KLHL31: variants seen among roughly 807,000 people sequenced by gnomAD.
KLHL31 encodes the protein kelch-like protein 31.
Under a neutral mutation model 47.1 loss-of-function variants are expected in KLHL31, and 32 were observed. The ratio of observed to expected loss-of-function variants is 0.68; its 90% CI spans 0.51 to 0.91. The LOEUF is 0.91. KLHL31 is among the 40% of genes least tolerant of loss of function. The probability of loss-of-function intolerance (pLI) is 0.00; values close to 1 mark genes in which losing one functional copy is unlikely to be tolerated. For synonymous variants in KLHL31, 330 were observed against 325.1 expected (o/e 1.01, Z -0.16); for missense variants, 797 against 819.3 (o/e 0.97, Z 0.33).
intron 1 of KLHL31, among the ~76,000 whole-genome samples, chr6:53,658,239 G>A (rs988618301): frequency 5.3e-5 from 8 of 151,366 alleles, no homozygotes; most frequent in African/African-American, 1.9e-4. Flanking sequence ...AATTTTGGGG[G>A]GAAAGTCCTG....
intron 1 of KLHL31, among the ~76,000 whole-genome samples, chr6:53,657,610 T>G (rs895745071): frequency 1.1e-4 from 15 of 138,722 alleles, no homozygotes; most frequent in Non-Finnish European, 4.6e-5. Flanking sequence ...TGTTTTTGTT[T>G]TGTGTGTGTG....
chr6:53,662,379 C>T (rs1189218064), intron 1 of KLHL31, among the ~76,000 whole-genome samples: 5 of 152,178 alleles, frequency 3.3e-5, no homozygotes, highest in African/African-American at 1.2e-4. Context: ...GAAGGAGGAG[C>T]AGGTTTAGCC....
At chr6:53,655,709 C>G (rs1464477077) in intron 1 of KLHL31, among the ~76,000 whole-genome samples, 10 of 150,964 alleles carry the variant, frequency 6.6e-5, no homozygotes, top group Admixed American at 6.6e-4. Context: ...CGGGTTCAAG[C>G]TATTCTTCTG....
At chr6:53,655,412 A>G in intron 1 of KLHL31, 107 bp from the exon 2 acceptor site, 1 of 548,496 alleles carries the variant, frequency 1.8e-6, no homozygotes, top group Non-Finnish European at 3.1e-6. Flanking sequence ...ATGGCATAAA[A>G]TAGATTAATT....
chr6:53,662,184 A>G (rs1326408871), intron 1 of KLHL31, among the ~76,000 whole-genome samples: 1 of 152,186 alleles, frequency 6.6e-6, no homozygotes, highest in Non-Finnish European at 1.5e-5. Context: ...GCCAGTGGCT[A>G]GGAGAGTGTG....
intron 1 of KLHL31, among the ~76,000 whole-genome samples, chr6:53,660,920 A>G (rs766177772): frequency 6.6e-5 from 10 of 152,200 alleles, no homozygotes; most frequent in Non-Finnish European, 1.0e-4. Context: ...TAGAGCTACC[A>G]TGATATCTCA....
intron 1 of KLHL31, among the ~76,000 whole-genome samples, chr6:53,658,918 C>T (rs976809738): frequency 7.9e-5 from 12 of 152,228 alleles, no homozygotes; most frequent in Non-Finnish European, 1.8e-4. Context: ...GGTAGATTAC[C>T]TAGCCTCTTA....
intron 1 of KLHL31, among the ~76,000 whole-genome samples, chr6:53,662,553 C>G (rs2478347): frequency 6.6e-6 from 1 of 152,272 alleles, no homozygotes; most frequent in East Asian, 1.9e-4. Context: ...AAGCCCAGAG[C>G]ATTCACCTTC....
In KLHL31 at chr6:53,655,123, T is replaced by C. The variant is rs775493632; in HGVS notation, c.150A>G (p.Leu50=). The C allele has an allele frequency of 6.8e-6, 11 of 1,614,116 alleles. No homozygotes were observed. Among genetic ancestry groups the C allele is most frequent in the Non-Finnish European group, 9.3e-6 (11 of 1,180,046 alleles). Residue 50 remains leucine, a synonymous_variant, in exon 2 of 3, where the codon CTA becomes CTG. Coordinates refer to ENST00000370905, the MANE Select transcript of KLHL31 (RefSeq NM_001003760.5). ...GNGLSCISSE[L]TDASYGPNLL... ...GGTTGGGGCCATAAGAAGCATCTGTTAGTTCAGAAGAAATGCAGCTAAGGC... is the reference window on the plus strand; with the variant it reads ...GGTTGGGGCCATAAGAAGCATCTGTCAGTTCAGAAGAAATGCAGCTAAGGC...
chr6:53,654,402 C>A lies in KLHL31; in HGVS notation c.871G>T (p.Ala291Ser). Reference protein sequence around the residue: ...DADCHRLLVDAMNYHLLPYHQ... With the variant: ...DADCHRLLVDSMNYHLLPYHQ... The stretch of plus-strand genomic sequence containing the variant: ...TATGGAAGCAAGTGGTAGTTCATAG[C>A]ATCTACGAGAAGTCTGTGACAATCA... The change falls in exon 2 of 3, where the codon GCT (alanine) becomes TCT (serine). Residue 291 changes from alanine to serine, a missense_variant. Coordinates refer to ENST00000370905, the MANE Select transcript of KLHL31 (RefSeq NM_001003760.5). 6.2e-7 allele frequency: 1 copy of A among 1,614,208 alleles called. No homozygotes were observed. Among genetic ancestry groups the A allele is most frequent in the Non-Finnish European group, 8.5e-7 (1 of 1,180,024 alleles).
rs1581785257 is a variant in KLHL31 at position 53,649,941 on chromosome 6, T to C, written c.*1657A>G. 1 of 152,200 alleles carries C rather than the reference T, an allele frequency of 6.6e-6. No individual in the cohort carries two copies. The highest frequency in any genetic ancestry group is 1.9e-4 in the East Asian group (1 of 5,204). 9.4% of individuals were successfully genotyped at this position (152,200 alleles called of 1,614,324 possible). On this transcript the variant is annotated 3_prime_UTR_variant, in exon 3 of 3. Transcript: ENST00000370905. ...ACAGCGTTTGTAGCCCTTACCTGAG[T>C]GTTATCATTAAATATCCAGAGATTG...
rs541681124 is a variant in KLHL31, at chr6:53,665,615, G to A, written c.-48C>T. On this transcript the variant is annotated 5_prime_UTR_variant, in exon 1 of 3. Transcript: ENST00000370905. ...CAGCTCCTTACCCTCCTTGGGTGAA[G>A]TGGCAGGTCAACTTGAGATGATGAA... 6.6e-6 allele frequency: 1 copy of A among 152,460 alleles called. No homozygotes were observed. The highest frequency in any genetic ancestry group is 1.9e-4 in the East Asian group (1 of 5,168). 9.4% of individuals were successfully genotyped at this position (152,460 alleles called of 1,614,324 possible). A position where few individuals can be genotyped will look rare whatever the true frequency, so the allele number is the denominator to read the frequency against.
At chr6:53,662,807 ATC>A (rs1386053467) in intron 1 of KLHL31, among the ~76,000 whole-genome samples, 1 of 152,154 alleles carries the variant, frequency 6.6e-6, no homozygotes, top group East Asian at 1.9e-4. Flanking sequence ...ATTTTTCCTC[ATC>A]TTTTGTATTT....
intron 1 of KLHL31, among the ~76,000 whole-genome samples, chr6:53,657,897 T>C (rs566298538): frequency 2.1e-5 from 3 of 146,314 alleles, no homozygotes; most frequent in South Asian, 4.3e-4. Context: ...TTCACATTTA[T>C]ATTTTTTACA....
At chr6:53,664,889 G>C (rs77164467) in intron 1 of KLHL31, among the ~76,000 whole-genome samples, 8,087 of 152,222 alleles carry the variant, frequency 0.053, 288 homozygotes, top group East Asian at 0.092. Flanking sequence ...TGGCTTCTGT[G>C]GCTTGCCATT....
intron 1 of KLHL31, among the ~76,000 whole-genome samples, chr6:53,661,680 T>C (rs1764647884): frequency 6.6e-6 from 1 of 152,184 alleles, no homozygotes. Flanking sequence ...AGTAACCAGG[T>C]CACATATTAA....
At chr6:53,657,113 A>AT (rs1230776902) in intron 1 of KLHL31, among the ~76,000 whole-genome samples, 1 of 151,464 alleles carries the variant, frequency 6.6e-6, no homozygotes, top group African/African-American at 2.4e-5. Context: ...CCTTTTTTGT[A>AT]TTTTTTGAAA....
intron 1 of KLHL31, among the ~76,000 whole-genome samples, chr6:53,659,295 T>A (rs1028364165): frequency 2.0e-5 from 3 of 152,162 alleles, no homozygotes; most frequent in African/African-American, 4.8e-5. Context: ...ATGAGATTTT[T>A]AAAAAACACC....
At chr6:53,662,899 C>T (rs943389282) in intron 1 of KLHL31, among the ~76,000 whole-genome samples, 2 of 152,164 alleles carry the variant, frequency 1.3e-5, no homozygotes, top group Non-Finnish European at 2.9e-5. Context: ...GAATGGATAG[C>T]TCCATTTTCA....
Sources: gnomAD v4.1 joint callset for allele counts (sites outside exome capture counted in the v4.1 genomes callset) on GRCh38, gnomAD v4.1.1 for gene constraint, MANE v1.5 for transcripts, NCBI Gene and HGNC (gene_info 2026-07-23, HGNC 2026-07-21) for gene names.